HTRA3: variants seen among roughly 807,000 people sequenced by gnomAD.
The protein encoded by HTRA3 is HtrA serine peptidase 3, also known as serine protease HTRA3.
Under a neutral mutation model 43.2 loss-of-function variants are expected in HTRA3, and 41 were observed. That is an observed-to-expected ratio of 0.95 (90% CI 0.74 to 1.23). The LOEUF (loss-of-function observed/expected upper bound fraction) is 1.23, where lower values mean the gene tolerates loss of function less well. HTRA3 is among the 50% of genes most tolerant of loss of function. The probability of loss-of-function intolerance (pLI) is 0.00; values close to 1 mark genes in which losing one functional copy is unlikely to be tolerated. For missense variants in HTRA3, 628 were observed against 647.1 expected, an observed-to-expected ratio of 0.97 and a Z score of 0.32; for synonymous variants, 295 against 287.9, an observed-to-expected ratio of 1.02 and a Z score of -0.25.
At chr4:8,272,021 G>T (rs1712298263) in intron 1 of HTRA3, among the ~76,000 whole-genome samples, 1 of 152,180 alleles carries the variant, frequency 6.6e-6, no homozygotes, top group Non-Finnish European at 1.5e-5. Context: ...TGGCACATCA[G>T]TTTGGGGCTT....
intron 6 of HTRA3, among the ~76,000 whole-genome samples, chr4:8,301,147 CA>C (rs1198408899): frequency 1.2e-5 from 1 of 82,410 alleles, no homozygotes; most frequent in Non-Finnish European, 2.4e-5. Context: ...ATTAGATTCA[CA>C]CTCTTTATTG....
intron 1 of HTRA3, among the ~76,000 whole-genome samples, chr4:8,271,063 C>T (rs73081572): frequency 1.1e-4 from 17 of 152,110 alleles, no homozygotes; most frequent in Non-Finnish European, 1.9e-4. Flanking sequence ...AGACAGGCGA[C>T]GGGCCCCAGG....
chr4:8,277,274 A>G (rs1712565440), intron 1 of HTRA3, among the ~76,000 whole-genome samples: 1 of 152,212 alleles, frequency 6.6e-6, no homozygotes, highest in African/African-American at 2.4e-5. Flanking sequence ...CCTGGGAACT[A>G]GTTAGACCCA....
chr4:8,291,628 T>G, intron 4 of HTRA3, 64 bp downstream of exon 4: 4 of 1,293,968 alleles, frequency 3.1e-6, no homozygotes, highest in Non-Finnish European at 3.2e-6. Flanking sequence ...AACCTCGAGG[T>G]GGTCTCTGAC....
intron 1 of HTRA3, among the ~76,000 whole-genome samples, chr4:8,274,675 G>C (rs564105619): frequency 6.6e-6 from 1 of 152,212 alleles, no homozygotes; most frequent in Non-Finnish European, 1.5e-5. Flanking sequence ...GTCCATCCAC[G>C]GGATGGTAAA....
Position 8,282,231 on chromosome 4 carries a change from G to A in HTRA3, c.386-206G>A, listed in dbSNP as rs559131580. On this transcript the variant is annotated intron_variant, in intron 1 of 8. Transcript: ENST00000307358. ...AAGCCTTTTTAACCATTCTCGGGGT[G>A]AGCGAGCCCCTTCCCAAATGCCTGG... is the stretch of plus-strand genomic sequence containing the variant. Among the ~76,000 whole-genome samples the A allele has an allele frequency of 7.2e-5, 11 of 152,290 alleles. No homozygotes were observed. The East Asian group carries it at 1.9e-3, about 27-fold the overall frequency.
intron 6 of HTRA3, among the ~76,000 whole-genome samples, chr4:8,299,538 T>A (rs944733748): frequency 2.6e-5 from 4 of 152,174 alleles, no homozygotes; most frequent in African/African-American, 9.7e-5. Flanking sequence ...AGAGTGGACA[T>A]CCTTGTCCCG....
chr4:8,270,007 G>T lies in HTRA3; in HGVS notation c.39G>T (p.Ala13=), dbSNP rs1352525379. ...ARALLLAALA[A]LALAREPPAA... ...CGCTGCTCCTGGCCGCGTTGGCCGC[G>T]CTGGCGCTGGCCCGGGAGCCCCCTG... Residue 13 remains alanine, a synonymous_variant, in exon 1 of 9, where the codon GCG becomes GCT. Coordinates refer to ENST00000307358, the MANE Select transcript of HTRA3 (RefSeq NM_053044.5). The T allele has an allele frequency of 1.6e-6, 2 of 1,278,134 alleles. No homozygotes were observed. Among genetic ancestry groups the T allele is most frequent in the African/African-American group, 1.6e-5 (1 of 63,896 alleles). 79.2% of individuals were successfully genotyped at this position (1,278,134 alleles called of 1,614,324 possible).
chr4:8,306,336 C>T lies in HTRA3; in HGVS notation c.*200C>T, dbSNP rs574341876. ...GAGTGTTGGATCCACATCCCGGTGCCGGGGAGGGAAGCCCAACATCCCCTT... is the reference window on the plus strand; with the variant it reads ...GAGTGTTGGATCCACATCCCGGTGCTGGGGAGGGAAGCCCAACATCCCCTT... On this transcript the variant is annotated 3_prime_UTR_variant, in exon 9 of 9. Coordinates refer to ENST00000307358, the MANE Select transcript of HTRA3 (RefSeq NM_053044.5). This position sits in a 1 kb window ranked among gnomAD's most constrained non-coding sequence, Gnocchi z 8.9. 7.0e-5 allele frequency: 39 copies of T among 559,468 alleles called. No homozygotes were observed. Among genetic ancestry groups the T allele is most frequent in the East Asian group, 4.0e-4 (13 of 32,340 alleles). 34.7% of individuals were successfully genotyped at this position (559,468 alleles called of 1,614,324 possible). A position where few individuals can be genotyped will look rare whatever the true frequency, so the allele number is the denominator to read the frequency against.
chr4:8,301,059 G>A (rs746240453), intron 6 of HTRA3, among the ~76,000 whole-genome samples: 81 of 143,000 alleles, frequency 5.7e-4, no homozygotes, highest in Middle Eastern at 5.2e-3. Context: ...CTTTATTATC[G>A]ATTCACACTC....
chr4:8,292,630 C>T (rs1013082603), intron 5 of HTRA3, among the ~76,000 whole-genome samples: 4 of 152,208 alleles, frequency 2.6e-5, no homozygotes, highest in East Asian at 1.9e-4. Context: ...GCAAGGGAGA[C>T]GCAGGTGTGG....
At chr4:8,301,483 T>C (rs1404853947) in intron 6 of HTRA3, among the ~76,000 whole-genome samples, 1 of 152,022 alleles carries the variant, frequency 6.6e-6, no homozygotes, top group African/African-American at 2.4e-5. Flanking sequence ...AGTCACACTC[T>C]CAGCTTTATT....
chr4:8,287,479 G>A (rs1271514057), intron 3 of HTRA3, among the ~76,000 whole-genome samples: 1 of 152,200 alleles, frequency 6.6e-6, no homozygotes, highest in Non-Finnish European at 1.5e-5. Context: ...ATGACCAGGA[G>A]GCCTCAGGAG....
intron 1 of HTRA3, among the ~76,000 whole-genome samples, chr4:8,280,356 C>T (rs981676412): frequency 7.2e-5 from 11 of 152,094 alleles, no homozygotes; most frequent in East Asian, 1.9e-4. Context: ...CCCTCTGGGT[C>T]GTGGAAATTG....
intron 2 of HTRA3, among the ~76,000 whole-genome samples, chr4:8,285,988 G>A (rs1359524711): frequency 2.6e-5 from 4 of 152,200 alleles, no homozygotes; most frequent in Non-Finnish European, 5.9e-5. Context: ...CAGCCTCTGG[G>A]GAGCCTCCCT....
Position 8,302,448 on chromosome 4 carries a change from G to T in HTRA3, c.1052-15G>T. On this transcript the variant is annotated splice_polypyrimidine_tract_variant and intron_variant, in intron 6 of 8. Transcript: ENST00000307358. ...ACAGCAGCCCTAACGGAGTCTCGCCGTGTTTCATTTCCAGACTGGAAGAAG... is the reference window on the plus strand; with the variant it reads ...ACAGCAGCCCTAACGGAGTCTCGCCTTGTTTCATTTCCAGACTGGAAGAAG... The T allele has an allele frequency of 1.2e-6, 2 of 1,613,812 alleles. No homozygotes were observed. Among genetic ancestry groups the T allele is most frequent in the Non-Finnish European group, 1.7e-6 (2 of 1,179,754 alleles).
rs141354878 is a variant in HTRA3, at chr4:8,305,878, C to G, written c.1197-93C>G. 3,435 of 1,390,416 alleles carry G rather than the reference C, an allele frequency of 2.5e-3. 14 individuals are homozygous for G. The highest frequency in any genetic ancestry group is 6.3e-3 in the Middle Eastern group (31 of 4,936). 86.1% of individuals were successfully genotyped at this position (1,390,416 alleles called of 1,614,324 possible). On this transcript the variant is annotated intron_variant, in intron 8 of 8. Transcript: ENST00000307358. ...GAGATGACTTTTGTTGAAATGTTGT[C>G]ATTGACCCTGACTGTGCCTCGCTCT...
At chr4:8,280,351 T>C (rs945941517) in intron 1 of HTRA3, among the ~76,000 whole-genome samples, 2 of 152,110 alleles carry the variant, frequency 1.3e-5, no homozygotes, top group Non-Finnish European at 2.9e-5. Flanking sequence ...GGGATCCCTC[T>C]GGGTCGTGGA....
In HTRA3 at chr4:8,303,714, TTCTG is replaced by T. The variant is rs753451611; in HGVS notation, c.1101-460_1101-457del. On this transcript the variant is annotated intron_variant, in intron 7 of 8. Transcript: ENST00000307358. Reference sequence around the variant, plus strand: ...CTGTCCATCCCACCTCTGTCCAGTCTTCTGTCTGTCTGTTCCATGACTCAGCATT... The same window carrying T: ...CTGTCCATCCCACCTCTGTCCAGTCTTCTGTCTGTTCCATGACTCAGCATT... 3.9e-4 allele frequency among the ~76,000 whole-genome samples: 59 copies of T among 152,220 alleles called. 2 individuals are homozygous for T. The highest frequency in any genetic ancestry group is 1.2e-3 in the African/African-American group (49 of 41,470).
Sources: allele counts gnomAD v4.1 joint callset (sites outside exome capture counted in the v4.1 genomes callset), GRCh38; gene constraint gnomAD v4.1.1; non-coding constraint Gnocchi (gnomAD v3.1); transcripts MANE v1.5; gene names NCBI Gene and HGNC (gene_info 2026-07-23, HGNC 2026-07-21).